Variants in TEX9 observed in about 807,000 individuals in gnomAD.
TEX9 encodes the protein testis-expressed protein 9.
Under a neutral mutation model 59.6 loss-of-function variants are expected in TEX9, and 74 were observed. The ratio of observed to expected loss-of-function variants is 1.24; its 90% CI spans 1.03 to 1.51. The LOEUF (loss-of-function observed/expected upper bound fraction) is 1.51. TEX9 is among the 40% of genes most tolerant of loss of function. TEX9 has a pLI of 0.00. For synonymous variants in TEX9, 186 were observed against 152.2 expected (o/e 1.22, Z -1.64); for missense variants, 522 against 447.8 (o/e 1.17, Z -1.49).
chr15:56,435,955 G>A (rs978902773), intron 12 of TEX9, among the ~76,000 whole-genome samples: 2 of 151,968 alleles, frequency 1.3e-5, no homozygotes, highest in African/African-American at 4.8e-5. Context: ...TGACCAAGTA[G>A]TGTTTATTAC....
chr15:56,418,838 A>G (rs2049829417), intron 10 of TEX9, among the ~76,000 whole-genome samples: 1 of 151,970 alleles, frequency 6.6e-6, no homozygotes, highest in Non-Finnish European at 1.5e-5. Flanking sequence ...TGAGCAAGTA[A>G]CCAAGCCAAT....
At chr15:56,253,908 T>C (rs932553262) in intron 1 of TEX9, among the ~76,000 whole-genome samples, 51 of 152,116 alleles carry the variant, frequency 3.4e-4, no homozygotes, top group African/African-American at 1.2e-3. Context: ...CAGAGAATTG[T>C]TGGAATAGGG....
intron 12 of TEX9, among the ~76,000 whole-genome samples, chr15:56,433,082 C>A (rs1191409710): frequency 3.9e-5 from 6 of 152,124 alleles, no homozygotes; most frequent in African/African-American, 1.4e-4. Flanking sequence ...AACTAGTAAT[C>A]TTCCCCTGGG....
intron 12 of TEX9, among the ~76,000 whole-genome samples, chr15:56,433,630 C>T (rs1462396937): frequency 6.6e-6 from 1 of 152,108 alleles, no homozygotes; most frequent in Non-Finnish European, 1.5e-5. Context: ...ATCTCCCTAT[C>T]TCCGAGCTTA....
At chr15:56,311,434 A>T (rs1392442869) in intron 1 of TEX9, among the ~76,000 whole-genome samples, 4 of 134,130 alleles carry the variant, frequency 3.0e-5, no homozygotes, top group African/African-American at 1.1e-4. Flanking sequence ...GAGAATGATG[A>T]TTTCCAGTTT....
chr15:56,259,338 G>C (rs572276295), intron 1 of TEX9, among the ~76,000 whole-genome samples: 2 of 152,052 alleles, frequency 1.3e-5, no homozygotes, highest in African/African-American at 2.4e-5. Flanking sequence ...TTTACTATCT[G>C]TCCCTTTACA....
At chr15:56,333,449 T>C (rs1170968722) in intron 1 of TEX9, among the ~76,000 whole-genome samples, 1 of 146,460 alleles carries the variant, frequency 6.8e-6, no homozygotes, top group African/African-American at 2.5e-5. Context: ...TGGAAAAGCA[T>C]TTGATGAAAT....
intron 4 of TEX9, among the ~76,000 whole-genome samples, chr15:56,385,731 G>A (rs1014926865): frequency 6.6e-6 from 1 of 151,916 alleles, no homozygotes; most frequent in African/African-American, 2.4e-5. Context: ...ATTATTTCTG[G>A]CTTTTAAAAT....
chr15:56,289,530 G>C (rs1373885036), intron 1 of TEX9, among the ~76,000 whole-genome samples: 5 of 152,172 alleles, frequency 3.3e-5, no homozygotes, highest in Admixed American at 3.3e-4. Flanking sequence ...GGAATCCTTC[G>C]CAGCTAACAC....
chr15:56,324,036 G>A lies in TEX9; in HGVS notation c.-106-49405G>A, dbSNP rs142314840. On this transcript the variant is annotated intron_variant, in intron 1 of 5. Transcript: ENST00000560827. ...AAACCTGGCCTGGTACAGTATGGGG[G>A]TCGTAAACTGGCATAGAAATCGAAA... Among the ~76,000 whole-genome samples, 126 of 152,242 alleles carry A rather than the reference G, an allele frequency of 8.3e-4. 1 individual carries two copies. The highest frequency in any genetic ancestry group is 2.8e-3 in the African/African-American group (118 of 41,522).
At chr15:56,375,246 T>C (rs1244989885) in intron 3 of TEX9, among the ~76,000 whole-genome samples, 2 of 152,220 alleles carry the variant, frequency 1.3e-5, no homozygotes, top group South Asian at 2.1e-4. Context: ...GGTTTTGATT[T>C]GCATTTCTCT....
chr15:56,401,308 C>CAAAAAAAAAAA (rs1207055803), intron 9 of TEX9, among the ~76,000 whole-genome samples: 40 of 46,780 alleles, frequency 8.6e-4, no homozygotes, highest in East Asian at 2.2e-3. Context: ...AAATTGAAAG[C>CAAAAAAAAAAA]AAAAAAAAAA....
downstream of TEX9, among the ~76,000 whole-genome samples, chr15:56,449,789 G>A (rs1461605728): frequency 2.6e-5 from 4 of 152,108 alleles, no homozygotes; most frequent in Non-Finnish European, 5.9e-5. Flanking sequence ...TTGGTAAAAT[G>A]TGCTAAGAAT....
At chr15:56,266,819 TATA>T (rs766160076) in intron 1 of TEX9, among the ~76,000 whole-genome samples, 2 of 152,230 alleles carry the variant, frequency 1.3e-5, no homozygotes, top group Non-Finnish European at 2.9e-5. Context: ...CAGCATGATT[TATA>T]ATCCTTTGGG....
In TEX9 at chr15:56,378,326, C is replaced by T. The variant is rs566893265; in HGVS notation, c.183+4822C>T. ...TCTTCTTTAAATGTTCGATAGAATTCGCAGTGCAGCCATCAGGTCCTGGGC... is the reference window on the plus strand; with the variant it reads ...TCTTCTTTAAATGTTCGATAGAATTTGCAGTGCAGCCATCAGGTCCTGGGC... On this transcript the variant is annotated intron_variant, in intron 3 of 12. Coordinates refer to ENST00000352903, the Ensembl canonical transcript of TEX9. 2.1e-3 allele frequency among the ~76,000 whole-genome samples: 316 copies of T among 152,110 alleles called. 3 individuals carry two copies. Among genetic ancestry groups the T allele is most frequent in the Non-Finnish European group, 3.1e-3 (209 of 67,966 alleles).
intron 1 of TEX9, among the ~76,000 whole-genome samples, chr15:56,316,439 G>GT: frequency 6.7e-6 from 1 of 148,178 alleles, no homozygotes; most frequent in East Asian, 2.0e-4. Flanking sequence ...CCCTGCTGGG[G>GT]GTGCCTCCCA....
chr15:56,450,019 TTA>T (rs1391933675), downstream of TEX9, among the ~76,000 whole-genome samples: 1 of 152,180 alleles, frequency 6.6e-6, no homozygotes, highest in Non-Finnish European at 1.5e-5. Context: ...TTGTTCTACT[TTA>T]TGTTTATATT....
chr15:56,403,051 A>G (rs1320057917), intron 9 of TEX9, among the ~76,000 whole-genome samples: 4 of 152,258 alleles, frequency 2.6e-5, no homozygotes, highest in African/African-American at 7.2e-5. Context: ...AAAAACTGGA[A>G]GCATTCCCTT....
intron 1 of TEX9, among the ~76,000 whole-genome samples, chr15:56,316,734 C>T (rs530885630): frequency 2.0e-5 from 3 of 152,328 alleles, no homozygotes; most frequent in African/African-American, 4.8e-5. Context: ...CAATGGTGGG[C>T]GCCCCTCCCC....
Sources: gnomAD v4.1 joint callset for allele counts (sites outside exome capture counted in the v4.1 genomes callset) on GRCh38, gnomAD v4.1.1 for gene constraint, MANE v1.5 for transcripts, NCBI Gene and HGNC (gene_info 2026-07-23, HGNC 2026-07-21) for gene names.